Variants in DICER1 observed in about 807,000 individuals in gnomAD.
DICER1 encodes dicer 1, ribonuclease III, also known as endoribonuclease Dicer.
DICER1 carries 43 observed loss-of-function variants against 194.1 expected under a neutral mutation model. The observed-to-expected ratio is 0.22, with a 90% CI of 0.17 to 0.29. The LOEUF (loss-of-function observed/expected upper bound fraction) is 0.29, where lower values mean the gene tolerates loss of function less well. Ranked by LOEUF, DICER1 falls within the 10% of genes least tolerant of loss-of-function variation. The pLI is 1.00. For missense variants in DICER1, 1,608 were observed against 2,317.0 expected, an observed-to-expected ratio of 0.69 and a Z score of 6.28; for synonymous variants, 832 against 820.5, an observed-to-expected ratio of 1.01 and a Z score of -0.24.
chr14:95,110,089 A>C (rs1374201846), intron 14 of DICER1, among the ~76,000 whole-genome samples: 2 of 152,222 alleles, frequency 1.3e-5, no homozygotes, highest in African/African-American at 4.8e-5. Context: ...ATTTTCCCAC[A>C]GGCTAATTGA....
chr14:95,147,139 C>T (rs926892567), intron 1 of DICER1, among the ~76,000 whole-genome samples: 1 of 152,160 alleles, frequency 6.6e-6, no homozygotes, highest in African/African-American at 2.4e-5. Context: ...TGACGATAAG[C>T]TAGAGACATA....
intron 1 of DICER1, among the ~76,000 whole-genome samples, chr14:95,139,358 C>A (rs940803336): frequency 1.3e-5 from 2 of 152,196 alleles, no homozygotes; most frequent in Non-Finnish European, 2.9e-5. Context: ...ACCTGTATTA[C>A]CCACTGTACA....
intron 6 of DICER1, 113 bp downstream of exon 6, chr14:95,129,359 C>T: frequency 1.0e-6 from 1 of 967,426 alleles, no homozygotes; most frequent in Non-Finnish European, 1.6e-6. Flanking sequence ...TTCCTTTTTA[C>T]TGCCATTTGT....
intron 8 of DICER1, among the ~76,000 whole-genome samples, chr14:95,121,721 T>G (rs1390368426): frequency 6.6e-6 from 1 of 152,182 alleles, no homozygotes; most frequent in Admixed American, 6.5e-5. Context: ...TGATGCTTGT[T>G]TTCTTCCTCT....
intron 1 of DICER1, among the ~76,000 whole-genome samples, chr14:95,146,840 G>C (rs1398001033): frequency 6.6e-6 from 1 of 151,962 alleles, no homozygotes; most frequent in Admixed American, 6.6e-5. Context: ...TGAAAAAGTA[G>C]AACACTTTTA....
Position 95,129,617 on chromosome 14 carries a change from G to C in DICER1, c.589C>G (p.Pro197Ala), listed in dbSNP as rs375689793. 2 of 1,611,942 alleles carry C rather than the reference G, an allele frequency of 1.2e-6. No individual in the cohort carries two copies. The highest frequency in any genetic ancestry group is 1.7e-6 in the Non-Finnish European group (2 of 1,179,800). The change falls in exon 6 of 27, where the codon CCA becomes GCA. Residue 197 changes from proline (P) to alanine (A), a missense_variant. Pro to Ala is a conservative substitution (Grantham distance 27, BLOSUM62 -1). Transcript: ENST00000343455. ...REIMKLCENC[P>A]SCPRILGLTA... ...AGTCCCAAAATGCGAGGACATGATG[G>C]ACAATTTTCACAGAGCTAACATAAT... is the stretch of plus-strand genomic sequence containing the variant.
chr14:95,146,728 G>A (rs372612310), intron 1 of DICER1, among the ~76,000 whole-genome samples: 1 of 152,292 alleles, frequency 6.6e-6, no homozygotes, highest in East Asian at 1.9e-4. Flanking sequence ...AGGCCAAGTG[G>A]GAGGGTAGCA....
chr14:95,107,431 T>C (rs138582792), intron 17 of DICER1, among the ~76,000 whole-genome samples, 177 bp downstream of exon 17: 109 of 152,126 alleles, frequency 7.2e-4, no homozygotes, highest in African/African-American at 2.6e-3. Flanking sequence ...TTTGTATTTT[T>C]AGTAGAGACG....
intron 7 of DICER1, among the ~76,000 whole-genome samples, chr14:95,126,296 CAAAAAGAAACA>C (rs1327611806): frequency 6.6e-6 from 1 of 152,016 alleles, no homozygotes; most frequent in Non-Finnish European, 1.5e-5. Flanking sequence ...CTCTTCTGAC[CAAAAAGAAACA>C]AAAATTGGAC....
At chr14:95,154,484 C>G (rs2140481222) in intron 1 of DICER1, among the ~76,000 whole-genome samples, 1 of 152,316 alleles carries the variant, frequency 6.6e-6, no homozygotes, top group East Asian at 1.9e-4. Context: ...AATGGATAAA[C>G]AAAATGCAGT....
At chr14:95,092,877 C>T (rs929055393) in intron 24 of DICER1, among the ~76,000 whole-genome samples, 2 of 152,182 alleles carry the variant, frequency 1.3e-5, no homozygotes, top group Admixed American at 6.5e-5. Flanking sequence ...GAGCTGGTCC[C>T]GCCTTCTCGC....
chr14:95,118,723 A>G (rs1392946268), intron 8 of DICER1, among the ~76,000 whole-genome samples: 1 of 152,182 alleles, frequency 6.6e-6, no homozygotes, highest in African/African-American at 2.4e-5. Context: ...AAGCGATTCC[A>G]CATGGTTTCT....
At chr14:95,151,406 A>C (rs1270171786) in intron 1 of DICER1, among the ~76,000 whole-genome samples, 7 of 152,222 alleles carry the variant, frequency 4.6e-5, no homozygotes, top group African/African-American at 4.8e-5. Context: ...TGCATGTTAA[A>C]ATTTTCTCTA....
chr14:95,117,567 T>C (rs970519886), intron 9 of DICER1, 55 bp downstream of exon 9: 33 of 1,594,898 alleles, frequency 2.1e-5, no homozygotes, highest in African/African-American at 5.4e-5. Flanking sequence ...TATGGGCACT[T>C]TGTCTGTATA....
intron 1 of DICER1, among the ~76,000 whole-genome samples, chr14:95,143,068 C>T (rs982076353): frequency 7.9e-5 from 12 of 152,116 alleles, no homozygotes; most frequent in Non-Finnish European, 1.2e-4. Flanking sequence ...TGCATGACTT[C>T]TATAAAGTTC....
rs138345915 is a variant in DICER1, at chr14:95,093,334, C to T, written c.5364+554G>A. Among the ~76,000 whole-genome samples, 22 of 152,324 alleles carry T rather than the reference C, an allele frequency of 1.4e-4. No homozygotes were observed. The East Asian group carries it at 4.2e-3, about 29-fold the overall frequency. On this transcript the variant is annotated intron_variant, in intron 24 of 26. Coordinates refer to ENST00000343455, the MANE Select transcript of DICER1 (RefSeq NM_177438.3). ...AAAAATTCGAAATAGCTCACAAACA[C>T]ATTAGAATTAGCTCTGTCACCAGAC...
chr14:95,145,938 T>G (rs890731995), intron 1 of DICER1, among the ~76,000 whole-genome samples: 1 of 152,176 alleles, frequency 6.6e-6, no homozygotes, highest in Non-Finnish European at 1.5e-5. Context: ...TTACCATTTA[T>G]AAGAGCAAAG....
chr14:95,146,922 CTAAGAAGGAAAAGGAAGTGAGAAAGGA>C (rs1895174373), intron 1 of DICER1, among the ~76,000 whole-genome samples: 1 of 151,428 alleles, frequency 6.6e-6, no homozygotes, highest in African/African-American at 2.4e-5. Context: ...GTGAGGAAGG[CTAAGAAGGAAAAGGAAGTGAGAAAGGA>C]TAAGAAGGAA....
At chr14:95,104,938 A>T (rs185602523) in intron 20 of DICER1, 133 bp downstream of exon 20, 2 of 863,362 alleles carry the variant, frequency 2.3e-6, no homozygotes, top group Non-Finnish European at 3.7e-6. Context: ...GAGACTTGAC[A>T]AGACATAAGA....
Sources: gnomAD v4.1 joint callset for allele counts (sites outside exome capture counted in the v4.1 genomes callset) on GRCh38, gnomAD v4.1.1 for gene constraint, MANE v1.5 for transcripts, NCBI Gene and HGNC (gene_info 2026-07-23, HGNC 2026-07-21) for gene names.